CPAP: variants seen among roughly 807,000 people sequenced by gnomAD.
The protein encoded by CPAP is centrosome assembly and centriole elongation protein.
chr13:24,914,499 T>C, the CPAP span, among the ~76,000 whole-genome samples: 1 of 152,188 alleles, frequency 6.6e-6, no homozygotes, highest in Admixed American at 6.5e-5. Flanking sequence ...AAAATCCCCA[T>C]TATCCTCAAC....
the CPAP span, chr13:24,882,946 C>A: frequency 3.8e-6 from 2 of 524,680 alleles, no homozygotes; most frequent in South Asian, 4.2e-5. Context: ...AATTTCTAAA[C>A]AGTCAAAATG....
the CPAP span, among the ~76,000 whole-genome samples, chr13:24,887,903 CCA>C: frequency 2.6e-5 from 4 of 152,130 alleles, no homozygotes; most frequent in South Asian, 4.1e-4. Context: ...TCTCCAAAAA[CCA>C]CAGTTTGTGT....
chr13:24,891,162 C>A, the CPAP span, among the ~76,000 whole-genome samples: 3 of 152,030 alleles, frequency 2.0e-5, no homozygotes, highest in Non-Finnish European at 4.4e-5. Context: ...CTCTGAGTCA[C>A]TGCCACACCT....
chr13:24,902,347 G>A, the CPAP span, among the ~76,000 whole-genome samples: 2 of 152,152 alleles, frequency 1.3e-5, no homozygotes, highest in African/African-American at 2.4e-5. Context: ...AAGCAGAGAC[G>A]TTTTAAAAGT....
the CPAP span, among the ~76,000 whole-genome samples, chr13:24,887,679 T>C: frequency 6.6e-6 from 1 of 151,430 alleles, no homozygotes; most frequent in Non-Finnish European, 1.5e-5. Context: ...GTAATAATAT[T>C]AGAATTAAAG....
At chr13:24,933,254 C>G in the CPAP span, 17 of 804,050 alleles carry the variant, frequency 2.1e-5, no homozygotes, top group African/African-American at 2.7e-4. Context: ...CTACTGGAAG[C>G]TCATCAGGAG....
the CPAP span, among the ~76,000 whole-genome samples, chr13:24,910,398 T>C: frequency 6.6e-6 from 1 of 152,224 alleles, no homozygotes; most frequent in African/African-American, 2.4e-5. Context: ...TAATTTTTTA[T>C]ATTTTTAGAA....
the CPAP span, among the ~76,000 whole-genome samples, chr13:24,904,936 T>C: frequency 9.9e-5 from 15 of 152,170 alleles, no homozygotes; most frequent in African/African-American, 2.2e-4. Context: ...AGAACAATCT[T>C]CAAAATTTAT....
At chr13:24,905,686 T>C in the CPAP span, 1 of 1,614,250 alleles carries the variant, frequency 6.2e-7, no homozygotes, top group Non-Finnish European at 8.5e-7. Flanking sequence ...GACTTAGGGA[T>C]GAGGATCTCG....
At chr13:24,930,068 GC>G in the CPAP span, among the ~76,000 whole-genome samples, 1 of 151,584 alleles carries the variant, frequency 6.6e-6, no homozygotes, top group East Asian at 1.9e-4. Flanking sequence ...GCACCACCAT[GC>G]CCAGTTAATT....
the CPAP span, chr13:24,905,404 C>G: frequency 2.2e-5 from 36 of 1,614,016 alleles, no homozygotes; most frequent in African/African-American, 4.7e-4. Context: ...GTGAATCTGA[C>G]TTTGGTTTTG....
chr13:24,894,837 T>C, the CPAP span, among the ~76,000 whole-genome samples: 1 of 149,632 alleles, frequency 6.7e-6, no homozygotes, highest in Admixed American at 6.6e-5. Context: ...ACCCTGGGGA[T>C]GGGGGAGAGG....
chr13:24,926,391 T>G, the CPAP span, among the ~76,000 whole-genome samples: 2 of 152,142 alleles, frequency 1.3e-5, no homozygotes, highest in African/African-American at 2.4e-5. Flanking sequence ...CAATAACCCA[T>G]GGTTCCCAGA....
At chr13:24,918,341 A>C in the CPAP span, among the ~76,000 whole-genome samples, 23 of 152,348 alleles carry the variant, frequency 1.5e-4, no homozygotes, top group Non-Finnish European at 1.6e-4. Flanking sequence ...GCAAAAACAC[A>C]GCAATTTTTT....
At chr13:24,909,893 T>C in the CPAP span, 1 of 1,614,126 alleles carries the variant, frequency 6.2e-7, no homozygotes, top group Non-Finnish European at 8.5e-7. Context: ...GTTTTGAAGT[T>C]AAGACAAAAT....
the CPAP span, among the ~76,000 whole-genome samples, chr13:24,920,578 AAAAT>A: frequency 6.6e-6 from 1 of 152,162 alleles, no homozygotes; most frequent in South Asian, 2.1e-4. Context: ...GGCAGTAACA[AAAAT>A]AAATAATGAT....
chr13:24,905,572 C>T, the CPAP span: 64 of 1,614,014 alleles, frequency 4.0e-5, 2 homozygotes, highest in East Asian at 4.2e-4. Flanking sequence ...AGCATGTCTG[C>T]GGCGTCCCAT....
the CPAP span, among the ~76,000 whole-genome samples, chr13:24,904,941 A>C: frequency 6.6e-6 from 1 of 152,214 alleles, no homozygotes; most frequent in South Asian, 2.1e-4. Flanking sequence ...AATCTTCAAA[A>C]TTTATCATAA....
the CPAP span, among the ~76,000 whole-genome samples, chr13:24,901,151 T>C: frequency 1.3e-5 from 2 of 152,148 alleles, no homozygotes; most frequent in Non-Finnish European, 1.5e-5. Flanking sequence ...GTAAAAGACA[T>C]TCTTACTGAC....
Sources: gnomAD v4.1 joint callset for allele counts (sites outside exome capture counted in the v4.1 genomes callset) on GRCh38, gnomAD v4.1.1 for gene constraint, MANE v1.5 for transcripts, NCBI Gene and HGNC (gene_info 2026-07-23, HGNC 2026-07-21) for gene names.